PNLDC1: variants seen among roughly 807,000 people sequenced by gnomAD.
PNLDC1 encodes poly(A)-specific ribonuclease PNLDC1.
A neutral mutation model predicts 82.0 loss-of-function variants in PNLDC1; 70 were observed. That is an observed-to-expected ratio of 0.85 (90% CI 0.70 to 1.04). The LOEUF (loss-of-function observed/expected upper bound fraction) is 1.04. Ranked by LOEUF, PNLDC1 falls within the 50% of genes least tolerant of loss-of-function variation. PNLDC1 has a pLI of 0.00. For synonymous variants in PNLDC1, 280 were observed against 249.3 expected (o/e 1.12, Z -1.16); for missense variants, 631 against 661.1 (o/e 0.95, Z 0.50).
At chr6:159,807,189 G>A (rs932234127) in intron 7 of PNLDC1, among the ~76,000 whole-genome samples, 13 of 152,110 alleles carry the variant, frequency 8.5e-5, no homozygotes, top group African/African-American at 2.9e-4. Context: ...CACCGCACCC[G>A]GCCCCATGAA....
chr6:159,820,062 G>A (rs1781985488), intron 18 of PNLDC1, among the ~76,000 whole-genome samples: 1 of 152,232 alleles, frequency 6.6e-6, no homozygotes, highest in South Asian at 2.1e-4. Flanking sequence ...GCTCGGTGCA[G>A]CCAGGGGCAG....
intron 3 of PNLDC1, 34 bp from the exon 4 acceptor site, chr6:159,803,237 T>G (rs1328030594): frequency 1.2e-6 from 2 of 1,611,986 alleles, no homozygotes; most frequent in Non-Finnish European, 1.7e-6. Context: ...TTGCTTTTCC[T>G]TGGCATTCAT....
intron 7 of PNLDC1, among the ~76,000 whole-genome samples, chr6:159,808,059 A>G (rs1006342664): frequency 2.6e-5 from 4 of 152,096 alleles, no homozygotes; most frequent in Non-Finnish European, 4.4e-5. Context: ...GATTACAGGC[A>G]TCTGCCACCA....
chr6:159,805,982 G>C lies in PNLDC1; in HGVS notation c.462-1G>C, dbSNP rs748457363. ...GTTCACTTTCATGCGCCCATTTTCA[G>C]CTCTCCGGATAAAGACCAAATCAAG... On this transcript the variant is annotated splice_acceptor_variant, in intron 6 of 18. Transcript: ENST00000392167. LOFTEE classifies it high-confidence loss of function. 1.2e-6 allele frequency: 2 copies of C among 1,613,588 alleles called. No homozygotes were observed. The highest frequency in any genetic ancestry group is 1.7e-6 in the Non-Finnish European group (2 of 1,179,502).
chr6:159,806,570 G>A (rs1222169363), intron 7 of PNLDC1, among the ~76,000 whole-genome samples: 1 of 152,134 alleles, frequency 6.6e-6, no homozygotes, highest in East Asian at 1.9e-4. Flanking sequence ...CATTTGCATT[G>A]GTGCCCAAGC....
rs1164153551 is a variant in PNLDC1 at position 159,804,052 on chromosome 6, T to G, written c.336T>G (p.Val112=). The G allele has an allele frequency of 1.9e-6, 3 of 1,614,062 alleles. No homozygotes were observed. In the East Asian group the frequency reaches 6.7e-5, roughly 36 times the overall value. The change falls in exon 5 of 19, where the codon GTT becomes GTG. Residue 112 remains valine, a synonymous_variant. Transcript: ENST00000392167. ...DSEFSFQASS[V]QFLNQYGFNY... ...AATTCTCCTTCCAGGCTTCCAGTGT[T>G]CAGTTTTTGAATCAGTATGGCTTCA...
chr6:159,819,815 CG>C lies in PNLDC1; in HGVS notation c.1532+467del, dbSNP rs201334576. On this transcript the variant is annotated intron_variant, in intron 18 of 18. Coordinates refer to ENST00000392167, the MANE Select transcript of PNLDC1 (RefSeq NM_001271862.2). This position sits in a 1 kb window ranked among gnomAD's most constrained non-coding sequence, Gnocchi z 4.6. The stretch of plus-strand genomic sequence containing the variant: ...CAGTCAGGAGGTGCCCGGAGTGTCA[CG>C]GGGAGAGGCCATTGTGAGCAAAACA... Among the ~76,000 whole-genome samples the C allele has an allele frequency of 7.8e-3, 1,180 of 151,954 alleles. 13 individuals carry two copies. Among genetic ancestry groups the C allele is most frequent in the African/African-American group, 0.026 (1,082 of 41,412 alleles).
chr6:159,799,677 G>A (rs1583160833), upstream of PNLDC1, among the ~76,000 whole-genome samples: 1 of 152,250 alleles, frequency 6.6e-6, no homozygotes. Context: ...ATTTCCGCAA[G>A]GAGTGAGTGC....
At chr6:159,804,800 A>T (rs1245248171) in intron 6 of PNLDC1, among the ~76,000 whole-genome samples, 163 bp downstream of exon 6, 1 of 152,210 alleles carries the variant, frequency 6.6e-6, no homozygotes, top group African/African-American at 2.4e-5. Context: ...CTGTGCCCCA[A>T]CTGAGAATGG....
intron 4 of PNLDC1, 32 bp downstream of exon 4, chr6:159,803,342 G>T (rs1247868063): frequency 2.5e-6 from 4 of 1,599,116 alleles, no homozygotes; most frequent in East Asian, 4.5e-5. Flanking sequence ...AAACATAGGT[G>T]CTTCCCACCT....
In PNLDC1 at chr6:159,816,013, C is replaced by G. The variant is rs201888579; in HGVS notation, c.1040C>G (p.Ala347Gly). The G allele has an allele frequency of 6.2e-7, 1 of 1,613,236 alleles. No individual in the cohort carries two copies. The highest frequency in any genetic ancestry group is 2.2e-5 in the East Asian group (1 of 44,854). ...TKNSGPEIVH[A>G]SRCEKYVETK... ...AATTCTGGACCAGAGATTGTTCACG[C>G]GAGCAGGTGTGAGAAATATGGTACG... Residue 347 changes from alanine (A) to glycine (G), a missense_variant, in exon 13 of 19, where the codon GCG becomes GGG. By Grantham distance (60) the Ala-to-Gly change is moderately conservative. Coordinates refer to ENST00000392167, the MANE Select transcript of PNLDC1 (RefSeq NM_001271862.2).
At chr6:159,800,955 C>A in intron 2 of PNLDC1, 126 bp downstream of exon 2, 1 of 1,437,862 alleles carries the variant, frequency 7.0e-7, no homozygotes, top group South Asian at 1.2e-5. Flanking sequence ...TGTTGGAGGA[C>A]CTTGCTTTTT....
chr6:159,804,328 T>C (rs1181063045), intron 5 of PNLDC1, among the ~76,000 whole-genome samples: 1 of 152,208 alleles, frequency 6.6e-6, no homozygotes, highest in African/African-American at 2.4e-5. Context: ...GGTCTTGAAC[T>C]CCTAGCCTCA....
chr6:159,799,796 ATG>A (rs1158624410), upstream of PNLDC1, among the ~76,000 whole-genome samples: 4 of 152,174 alleles, frequency 2.6e-5, no homozygotes, highest in African/African-American at 9.7e-5. Context: ...GGACAGCAGA[ATG>A]AGGAAAAAGA....
chr6:159,800,250 TGGGCAGCAC>T, upstream of PNLDC1: 1 of 785,500 alleles, frequency 1.3e-6, no homozygotes. Context: ...CGGAAGCGCG[TGGGCAGCAC>T]GTGGGCAGCA....
In PNLDC1 at chr6:159,819,666, T is replaced by C. The variant is rs77570023; in HGVS notation, c.1532+314T>C. On this transcript the variant is annotated intron_variant, in intron 18 of 18. Transcript: ENST00000392167. The surrounding 1 kb of genome is among the most constrained non-coding windows in gnomAD (Gnocchi z 4.6). ...ACCCTATAATGTGTTGGGTGACAAG[T>C]GTTTATTAAAAATGAGAGAAGGGTC... 0.02 allele frequency among the ~76,000 whole-genome samples: 3,058 copies of C among 151,960 alleles called. 111 individuals carry two copies. The highest frequency in any genetic ancestry group is 0.07 in the African/African-American group (2,893 of 41,460).
intron 7 of PNLDC1, among the ~76,000 whole-genome samples, chr6:159,807,398 G>GAAA (rs34179367): frequency 1.4e-5 from 2 of 148,080 alleles, no homozygotes; most frequent in Non-Finnish European, 1.5e-5. Flanking sequence ...TGTTTCAAAG[G>GAAA]AAAAAAAAAA....
At position 159,800,359 on chromosome 6, in the gene PNLDC1, C is replaced by T. The variant is rs1316125248; in HGVS notation, c.52C>T (p.Leu18Phe). 2 of 1,547,964 alleles carry T rather than the reference C, an allele frequency of 1.3e-6. No homozygotes were observed. Among genetic ancestry groups the T allele is most frequent in the Non-Finnish European group, 1.7e-6 (2 of 1,146,484 alleles). Reference sequence around the variant, plus strand: ...GGAGAGCCTCCCTCTGCTGCAGGAGCTCGTCCAGGAGGCCGACTTCGTGGG... The same window carrying T: ...GGAGAGCCTCCCTCTGCTGCAGGAGTTCGTCCAGGAGGCCGACTTCGTGGG... ...FEESLPLLQE[L>F]VQEADFVGLD... The change falls in exon 1 of 19, where the codon CTC becomes TTC. Residue 18 changes from leucine to phenylalanine, a missense_variant. Physicochemically the swap from Leu to Phe is conservative, Grantham distance 22. Transcript: ENST00000392167.
rs1336935992 is a variant in PNLDC1 at position 159,804,618 on chromosome 6, G to C, written c.442G>C (p.Gly148Arg). The change falls in exon 6 of 19, where the codon GGG becomes CGG. Residue 148 changes from glycine to arginine, a missense_variant. Transcript: ENST00000392167. ...EKKIRHDILTGNWRVRSSPDK... is the reference protein window; with the variant it reads ...EKKIRHDILTRNWRVRSSPDK... ...GAAAATTAGACACGATATCCTGACT[G>C]GGAACTGGAGAGTTCGCAGGTATGG... 6.2e-7 allele frequency: 1 copy of C among 1,608,800 alleles called. No individual in the cohort carries two copies. Among genetic ancestry groups the C allele is most frequent in the African/African-American group, 1.3e-5 (1 of 74,788 alleles).
Sources: gnomAD v4.1 joint callset for allele counts (sites outside exome capture counted in the v4.1 genomes callset) on GRCh38, gnomAD v4.1.1 for gene constraint, Gnocchi (gnomAD v3.1) non-coding constraint, MANE v1.5 for transcripts, NCBI Gene and HGNC (gene_info 2026-07-23, HGNC 2026-07-21) for gene names.